The following GABRB1 variants were observed in gnomAD, a reference collection of about 807,000 sequenced individuals.
The protein encoded by GABRB1 is gamma-aminobutyric acid type A receptor subunit beta1, also known as gamma-aminobutyric acid receptor subunit beta-1.
In GABRB1, 17 loss-of-function variants were observed where a neutral mutation model predicts 51.6. That is an observed-to-expected ratio of 0.33 (90% CI 0.23 to 0.49). GABRB1 has a LOEUF of 0.49. Among genes scored for constraint, GABRB1 ranks in the 20% least tolerant of loss-of-function variants. The pLI is 0.99. For synonymous variants in GABRB1, 247 were observed against 218.9 expected (o/e 1.13, Z -1.14); for missense variants, 410 against 600.6 (o/e 0.68, Z 3.32).
chr4:47,162,376 G>A (rs367765469), intron 4 of GABRB1, among the ~76,000 whole-genome samples: 1 of 151,674 alleles, frequency 6.6e-6, no homozygotes, highest in East Asian at 1.9e-4. Context: ...AATTTAATAG[G>A]CTAATCAACC....
At chr4:47,072,691 T>C (rs1200432125) in intron 3 of GABRB1, among the ~76,000 whole-genome samples, 1 of 152,216 alleles carries the variant, frequency 6.6e-6, no homozygotes, top group Non-Finnish European at 1.5e-5. Flanking sequence ...CTAAGAATGA[T>C]ATTTCTGCAG....
intron 5 of GABRB1, among the ~76,000 whole-genome samples, chr4:47,368,099 A>G (rs1344838414): frequency 3.3e-5 from 5 of 152,168 alleles, no homozygotes; most frequent in African/African-American, 7.2e-5. Flanking sequence ...CCAATATTAT[A>G]TCTCTACTAC....
intron 1 of GABRB1, among the ~76,000 whole-genome samples, chr4:47,008,852 CCTTTTTTTTTTTTTTTTTT>C (rs1380260355): frequency 1.4e-4 from 8 of 56,476 alleles, no homozygotes; most frequent in African/African-American, 6.2e-4. Context: ...TCAGATACTA[CCTTTTTTTTTTTTTTTTTT>C]TTTTTTTTTT....
At chr4:47,238,820 A>C (rs1721421846) in intron 4 of GABRB1, among the ~76,000 whole-genome samples, 1 of 152,206 alleles carries the variant, frequency 6.6e-6, no homozygotes, top group South Asian at 2.1e-4. Context: ...GAAGTACAAA[A>C]GGCTGAATAT....
At chr4:47,030,189 G>A (rs780454431), upstream of GABRB1, among the ~76,000 whole-genome samples, 2 of 152,024 alleles carry the variant, frequency 1.3e-5, no homozygotes, top group Non-Finnish European at 2.9e-5. Context: ...CATATTTTGT[G>A]TATTTAAATA....
At chr4:47,131,361 G>A (rs1716407085) in intron 3 of GABRB1, among the ~76,000 whole-genome samples, 1 of 152,072 alleles carries the variant, frequency 6.6e-6, no homozygotes, top group Admixed American at 6.5e-5. Context: ...GTTTCGCCAT[G>A]TTGGCAGGCT....
intron 5 of GABRB1, among the ~76,000 whole-genome samples, chr4:47,367,420 T>G (rs1397910759): frequency 1.3e-5 from 2 of 152,164 alleles, no homozygotes; most frequent in African/African-American, 4.8e-5. Context: ...GCTTATTCTA[T>G]CCTCCAAAGG....
At chr4:47,028,546 T>C (rs1451723758), upstream of GABRB1, among the ~76,000 whole-genome samples, 1 of 151,742 alleles carries the variant, frequency 6.6e-6, no homozygotes, top group African/African-American at 2.4e-5. Context: ...GTTATCAGTT[T>C]TGATCAGCTT....
intron 3 of GABRB1, among the ~76,000 whole-genome samples, chr4:47,141,034 A>G (rs1716909946): frequency 1.3e-5 from 2 of 151,952 alleles, no homozygotes; most frequent in African/African-American, 4.8e-5. Context: ...AAAACATTTC[A>G]GTACAAAACT....
intron 4 of GABRB1, among the ~76,000 whole-genome samples, chr4:47,311,922 C>A (rs541826525): frequency 1.3e-5 from 2 of 152,206 alleles, no homozygotes; most frequent in Non-Finnish European, 2.9e-5. Context: ...CTTATGTAAT[C>A]TCTGGCTTTG....
intron 4 of GABRB1, among the ~76,000 whole-genome samples, chr4:47,297,353 G>C (rs537055975): frequency 0.02 from 2,485 of 122,114 alleles, 58 homozygotes; most frequent in Middle Eastern, 0.076. Flanking sequence ...AAAATTGATA[G>C]ACCGCTAGCA....
At chr4:47,051,601 G>A (rs573534818) in intron 3 of GABRB1, among the ~76,000 whole-genome samples, 135 of 152,274 alleles carry the variant, frequency 8.9e-4, no homozygotes, top group Admixed American at 1.4e-3. Context: ...GGAATTCTGA[G>A]TTCCACATCT....
At chr4:47,081,218 A>G (rs1480713848) in intron 3 of GABRB1, among the ~76,000 whole-genome samples, 3 of 152,134 alleles carry the variant, frequency 2.0e-5, no homozygotes, top group African/African-American at 7.2e-5. Context: ...CCCATTCCCA[A>G]ATAATTATGG....
upstream of GABRB1, chr4:47,031,559 G>T: frequency 9.8e-7 from 1 of 1,020,366 alleles, no homozygotes; most frequent in Non-Finnish European, 1.6e-6. Flanking sequence ...CTGCGCATGC[G>T]CAGGTCCATT....
chr4:47,021,232 A>G (rs1049257936), intron 1 of GABRB1, among the ~76,000 whole-genome samples: 8 of 152,136 alleles, frequency 5.3e-5, no homozygotes, highest in Non-Finnish European at 1.0e-4. Flanking sequence ...AAATATTGCT[A>G]AATTTATTTA....
intron 3 of GABRB1, among the ~76,000 whole-genome samples, chr4:47,053,764 A>G (rs1006127791): frequency 1.3e-5 from 2 of 152,202 alleles, no homozygotes; most frequent in Admixed American, 1.3e-4. Flanking sequence ...CAGCAACTGG[A>G]AAAATGAGTG....
intron 4 of GABRB1, among the ~76,000 whole-genome samples, chr4:47,287,803 A>G (rs375412342): frequency 1.3e-5 from 2 of 152,192 alleles, no homozygotes; most frequent in Admixed American, 6.5e-5. Context: ...GAGTTTCCCT[A>G]TGGACATGCC....
intron 8 of GABRB1, among the ~76,000 whole-genome samples, chr4:47,412,090 T>G (rs1417759107): frequency 6.6e-6 from 1 of 152,184 alleles, no homozygotes; most frequent in Non-Finnish European, 1.5e-5. Flanking sequence ...CTGTTAATTG[T>G]TCTTATGGGA....
intron 8 of GABRB1, among the ~76,000 whole-genome samples, chr4:47,413,477 A>G (rs754568882): frequency 6.6e-6 from 1 of 152,234 alleles, no homozygotes; most frequent in Non-Finnish European, 1.5e-5. Context: ...AATAATGCAA[A>G]CTGTGTGGTA....
Sources: allele counts gnomAD v4.1 joint callset (sites outside exome capture counted in the v4.1 genomes callset), GRCh38; gene constraint gnomAD v4.1.1; transcripts MANE v1.5; gene names NCBI Gene and HGNC (gene_info 2026-07-23, HGNC 2026-07-21).